The following ARHGEF38 variants were observed in gnomAD, a reference collection of about 807,000 sequenced individuals.
The protein encoded by ARHGEF38 is Rho guanine nucleotide exchange factor 38.
In ARHGEF38, 79 loss-of-function variants were observed where a neutral mutation model predicts 79.9. That is an observed-to-expected ratio of 0.99 (90% CI 0.82 to 1.19). ARHGEF38 has a LOEUF of 1.19. Among genes scored for constraint, ARHGEF38 ranks in the 50% most tolerant of loss-of-function variants. The pLI is 0.00. For synonymous variants in ARHGEF38, 366 were observed against 328.3 expected, an observed-to-expected ratio of 1.11 and a Z score of -1.24; for missense variants, 962 against 907.2, an observed-to-expected ratio of 1.06 and a Z score of -0.78.
intron 1 of ARHGEF38, 100 bp downstream of exon 1, chr4:105,553,061 T>C: frequency 1.1e-6 from 1 of 881,428 alleles, no homozygotes; most frequent in Non-Finnish European, 1.7e-6. Flanking sequence ...GAGGGGAAAA[T>C]TGAATACCAC....
intron 7 of ARHGEF38, among the ~76,000 whole-genome samples, chr4:105,651,517 A>T (rs1469227160): frequency 1.3e-5 from 2 of 152,178 alleles, no homozygotes; most frequent in African/African-American, 4.8e-5. Context: ...TTGGGGTTGA[A>T]TCCTGATCCT....
At chr4:105,580,015 G>A (rs2866789) in intron 1 of ARHGEF38, among the ~76,000 whole-genome samples, 130,803 of 151,860 alleles carry the variant, frequency 0.86, 56,390 homozygotes, top group South Asian at 0.93. Context: ...TAGTTTGTGT[G>A]CATTGTGTGT....
rs76138720 is a variant in ARHGEF38 at position 105,612,925 on chromosome 4, A to T, written c.385-459A>T. Among the ~76,000 whole-genome samples, 896 of 152,266 alleles carry T rather than the reference A, an allele frequency of 5.9e-3. 10 individuals are homozygous for T. Among genetic ancestry groups the T allele is most frequent in the African/African-American group, 0.021 (866 of 41,558 alleles). ...TTTACATTTATATCAAGAAAAAAAA[A>T]GGAAAAAGCAACCCAGCACATCTAC... On this transcript the variant is annotated intron_variant, in intron 2 of 13. Coordinates refer to ENST00000420470, the MANE Select transcript of ARHGEF38 (RefSeq NM_001242729.2).
chr4:105,620,275 C>T (rs1336492760), intron 3 of ARHGEF38, among the ~76,000 whole-genome samples: 1 of 152,116 alleles, frequency 6.6e-6, no homozygotes, highest in African/African-American at 2.4e-5. Context: ...GTTTTAATAT[C>T]AGGTTGACTT....
intron 2 of ARHGEF38, among the ~76,000 whole-genome samples, chr4:105,595,555 A>G (rs1373910897): frequency 1.3e-5 from 2 of 152,166 alleles, no homozygotes; most frequent in Admixed American, 6.5e-5. Flanking sequence ...GTTTATACAA[A>G]CATACTGAAA....
chr4:105,589,761 T>C (rs1727235015), intron 2 of ARHGEF38, among the ~76,000 whole-genome samples: 1 of 152,068 alleles, frequency 6.6e-6, no homozygotes, highest in South Asian at 2.1e-4. Context: ...GGCCGGGTGC[T>C]GTGGCTCATG....
intron 3 of ARHGEF38, among the ~76,000 whole-genome samples, chr4:105,620,109 T>C (rs1205347086): frequency 2.0e-5 from 3 of 152,206 alleles, no homozygotes; most frequent in African/African-American, 7.2e-5. Context: ...GAGGAAGTTG[T>C]CTGTACTGTC....
At position 105,667,612 on chromosome 4, in the gene ARHGEF38, T is replaced by C. The variant is rs923546550; in HGVS notation, c.2057T>C (p.Ile686Thr). ...DSVTGTSESS[I>T]GDSSSSLSGT... ...GTCACAGGCACCTCAGAAAGCAGCA[T>C]TGGTGATAGCAGCTCATCTCTTAGT... The change falls in exon 13 of 14, where the codon ATT becomes ACT. Residue 686 changes from isoleucine (I) to threonine (T), a missense_variant. Coordinates refer to ENST00000420470, the MANE Select transcript of ARHGEF38 (RefSeq NM_001242729.2). 2 of 1,536,698 alleles carry C rather than the reference T, an allele frequency of 1.3e-6. No individual in the cohort carries two copies. Among genetic ancestry groups the C allele is most frequent in the Non-Finnish European group, 8.7e-7 (1 of 1,147,044 alleles).
chr4:105,667,539 T>C lies in ARHGEF38; in HGVS notation c.1984T>C (p.Phe662Leu). ...TGAGAACAGGTTCTGTGACGATGAT[T>C]TTGAGAACATCAGCCTCTTCGTGTC... ...DAENRFCDDD[F>L]ENISLFVSSR... Residue 662 changes from phenylalanine (F) to leucine (L), a missense_variant, in exon 13 of 14, where the codon TTT (phenylalanine) becomes CTT (leucine). Coordinates refer to ENST00000420470, the MANE Select transcript of ARHGEF38 (RefSeq NM_001242729.2). 2 of 1,536,658 alleles carry C rather than the reference T, an allele frequency of 1.3e-6. No individual in the cohort carries two copies. Among genetic ancestry groups the C allele is most frequent in the East Asian group, 2.4e-5 (1 of 40,922 alleles).
intron 13 of ARHGEF38, among the ~76,000 whole-genome samples, chr4:105,668,685 G>C (rs1052271014): frequency 1.0e-4 from 15 of 150,740 alleles, no homozygotes; most frequent in Non-Finnish European, 1.6e-4. Context: ...TAGATAGATA[G>C]ATAGATAGAT....
chr4:105,664,468 A>G (rs1242978833), intron 10 of ARHGEF38, among the ~76,000 whole-genome samples: 3 of 152,176 alleles, frequency 2.0e-5, no homozygotes, highest in Non-Finnish European at 4.4e-5. Flanking sequence ...AAAAATGAGG[A>G]TTTAGCTCTC....
chr4:105,561,444 A>AGAATAGAATG lies in ARHGEF38; in HGVS notation c.196+8487_196+8488insAGAATGGAAT, dbSNP rs1725561691. 43 of 43,008 alleles carry AGAATAGAATG rather than the reference A, an allele frequency of 1.0e-3. 4 individuals are homozygous for AGAATAGAATG. Among genetic ancestry groups the AGAATAGAATG allele is most frequent in the East Asian group, 6.8e-3 (12 of 1,774 alleles). The allele number at this position is 43,008 out of a possible 1,614,324, so 2.7% of individuals were successfully genotyped here. On this transcript the variant is annotated intron_variant, in intron 1 of 13. Transcript: ENST00000420470. ...AGAATGGAATAGAATAGAATAGAAT[A>AGAATAGAATG]GAATGGAATAGAATAGAATAGAATA...
chr4:105,666,078 C>T, intron 10 of ARHGEF38, 99 bp from the exon 11 acceptor site: 1 of 1,049,750 alleles, frequency 9.5e-7, no homozygotes. Context: ...ATGGAGCTAC[C>T]ATATACCTCC....
intron 1 of ARHGEF38, among the ~76,000 whole-genome samples, chr4:105,557,356 T>C (rs1164659749): frequency 6.6e-6 from 1 of 152,068 alleles, no homozygotes; most frequent in Non-Finnish European, 1.5e-5. Flanking sequence ...CTATAAAATT[T>C]GAAGAACAAA....
At chr4:105,650,767 T>C (rs1019938595) in intron 7 of ARHGEF38, among the ~76,000 whole-genome samples, 11 of 152,208 alleles carry the variant, frequency 7.2e-5, no homozygotes, top group Non-Finnish European at 1.0e-4. Context: ...TTGAATTATT[T>C]TTGTATTTAC....
chr4:105,645,350 T>C lies in ARHGEF38; in HGVS notation c.837T>C (p.Asn279=). Residue 279 remains asparagine, a synonymous_variant, in exon 6 of 14, where the codon AAT becomes AAC. Transcript: ENST00000420470. ...CCTTTGCTGCTGTGAAGGACATTAA[T>C]GTTAACATCAATGAACTTAAAAGAA... ...DDAFAAVKDI[N]VNINELKRRK... is the part of the protein sequence containing the mutation. 1.3e-6 allele frequency: 2 copies of C among 1,528,964 alleles called. No homozygotes were observed. The highest frequency in any genetic ancestry group is 1.7e-6 in the Non-Finnish European group (2 of 1,145,136). 94.7% of individuals were successfully genotyped at this position (1,528,964 alleles called of 1,614,324 possible). A position where few individuals can be genotyped will look rare whatever the true frequency, so the allele number is the denominator to read the frequency against.
intron 1 of ARHGEF38, among the ~76,000 whole-genome samples, chr4:105,575,807 T>C (rs1726468430): frequency 6.6e-6 from 1 of 152,182 alleles, no homozygotes; most frequent in Admixed American, 6.5e-5. Flanking sequence ...CTTTGATCCA[T>C]CTTGAGTTTA....
chr4:105,640,795 A>G (rs1461958693), intron 5 of ARHGEF38, among the ~76,000 whole-genome samples: 1 of 152,180 alleles, frequency 6.6e-6, no homozygotes, highest in Non-Finnish European at 1.5e-5. Flanking sequence ...ATTTAGAGGT[A>G]ATTCTTTATC....
intron 4 of ARHGEF38, chr4:105,631,301 A>G: frequency 9.0e-7 from 1 of 1,109,646 alleles, no homozygotes; most frequent in Non-Finnish European, 1.1e-6. Context: ...GCAATATCAA[A>G]ATATAAAATG....
Sources: allele counts gnomAD v4.1 joint callset (sites outside exome capture counted in the v4.1 genomes callset), GRCh38; gene constraint gnomAD v4.1.1; transcripts MANE v1.5; gene names NCBI Gene and HGNC (gene_info 2026-07-23, HGNC 2026-07-21).